Variants in RASAL2 observed in about 807,000 individuals in gnomAD.
The protein encoded by RASAL2 is ras GTPase-activating protein nGAP.
Under a neutral mutation model 128.9 loss-of-function variants are expected in RASAL2, and 58 were observed. The ratio of observed to expected loss-of-function variants is 0.45; its 90% CI spans 0.36 to 0.56. RASAL2 has a LOEUF of 0.56. Among genes scored for constraint, RASAL2 ranks in the 20% least tolerant of loss-of-function variants. The pLI is 0.00. For synonymous variants in RASAL2, 561 were observed against 580.8 expected, an observed-to-expected ratio of 0.97 and a Z score of 0.49; for missense variants, 1,360 against 1,601.6, an observed-to-expected ratio of 0.85 and a Z score of 2.57.
At chr1:178,174,581 A>G (rs187359609) in intron 1 of RASAL2, among the ~76,000 whole-genome samples, 4 of 152,280 alleles carry the variant, frequency 2.6e-5, no homozygotes, top group Admixed American at 2.0e-4. Context: ...AATGAGTTGC[A>G]TAGGTTAGAT....
intron 1 of RASAL2, among the ~76,000 whole-genome samples, chr1:178,217,392 C>T (rs1663456647): frequency 6.6e-6 from 1 of 152,204 alleles, no homozygotes; most frequent in Non-Finnish European, 1.5e-5. Context: ...GAACTTCTCA[C>T]ACCAGAGTGG....
chr1:178,405,715 C>T (rs1310388755), intron 4 of RASAL2, among the ~76,000 whole-genome samples: 5 of 152,134 alleles, frequency 3.3e-5, no homozygotes, highest in Non-Finnish European at 7.4e-5. Flanking sequence ...GACTTCTGAT[C>T]GATAGAACTG....
At chr1:178,335,976 C>G (rs1431444529) in intron 3 of RASAL2, among the ~76,000 whole-genome samples, 1 of 151,318 alleles carries the variant, frequency 6.6e-6, no homozygotes, top group Non-Finnish European at 1.5e-5. Context: ...GTTTAGTATA[C>G]CATAGTGGTT....
chr1:178,410,223 A>G (rs985803016), intron 4 of RASAL2, among the ~76,000 whole-genome samples: 8 of 152,086 alleles, frequency 5.3e-5, no homozygotes, highest in African/African-American at 1.9e-4. Context: ...TAGGGAGGAA[A>G]TCAGAGAAAA....
intron 3 of RASAL2, among the ~76,000 whole-genome samples, chr1:178,324,801 G>A (rs1356493300): frequency 1.3e-5 from 2 of 151,960 alleles, no homozygotes; most frequent in Non-Finnish European, 2.9e-5. Flanking sequence ...TACATTTCAA[G>A]CAGAAGGATT....
chr1:178,200,812 T>A (rs1662838131), intron 1 of RASAL2, among the ~76,000 whole-genome samples: 1 of 152,190 alleles, frequency 6.6e-6, no homozygotes, highest in Admixed American at 6.5e-5. Context: ...TGAACCCTTT[T>A]TACCAGAAGA....
At chr1:178,098,435 C>G (rs1008456317) in intron 1 of RASAL2, among the ~76,000 whole-genome samples, 12 of 152,246 alleles carry the variant, frequency 7.9e-5, no homozygotes, top group African/African-American at 2.6e-4. Context: ...AGCAGCATAG[C>G]GAAAGGAAAC....
intron 1 of RASAL2, among the ~76,000 whole-genome samples, chr1:178,188,884 A>G (rs1311459856): frequency 6.6e-6 from 1 of 152,154 alleles, no homozygotes; most frequent in Non-Finnish European, 1.5e-5. Context: ...TATACCCTCT[A>G]AAAAGCTATG....
At chr1:178,156,787 G>T (rs967489410) in intron 1 of RASAL2, among the ~76,000 whole-genome samples, 11 of 152,258 alleles carry the variant, frequency 7.2e-5, no homozygotes, top group Admixed American at 7.2e-4. Context: ...ATTAAGGTCA[G>T]TGTTAAAAGC....
chr1:178,286,760 C>T (rs561916814), intron 2 of RASAL2, among the ~76,000 whole-genome samples: 3 of 152,146 alleles, frequency 2.0e-5, no homozygotes, highest in Non-Finnish European at 4.4e-5. Flanking sequence ...ATTCTATCCC[C>T]TGGGCCATTA....
chr1:178,395,246 G>A (rs1328706443), intron 4 of RASAL2, among the ~76,000 whole-genome samples: 3 of 152,076 alleles, frequency 2.0e-5, no homozygotes, highest in African/African-American at 7.2e-5. Context: ...TTTTTTTAAA[G>A]GTCCCAGATG....
intron 4 of RASAL2, among the ~76,000 whole-genome samples, chr1:178,408,943 A>T (rs566227396): frequency 6.6e-6 from 1 of 152,106 alleles, no homozygotes; most frequent in Non-Finnish European, 1.5e-5. Flanking sequence ...TACTGTAAAG[A>T]ACTACCTGAG....
intron 1 of RASAL2, among the ~76,000 whole-genome samples, chr1:178,095,860 GTGATTCCTCATC>G (rs1658661605): frequency 6.6e-6 from 1 of 152,124 alleles, no homozygotes; most frequent in African/African-American, 2.4e-5. Flanking sequence ...TTTTTGGCTT[GTGATTCCTCATC>G]TGTAAAGTGA....
At chr1:178,407,533 A>G (rs1405450002) in intron 4 of RASAL2, among the ~76,000 whole-genome samples, 1 of 152,208 alleles carries the variant, frequency 6.6e-6, no homozygotes, top group African/African-American at 2.4e-5. Flanking sequence ...GCAAGAATGA[A>G]AACAATTCTC....
intron 3 of RASAL2, among the ~76,000 whole-genome samples, chr1:178,359,535 C>T (rs1670994490): frequency 6.6e-6 from 1 of 152,174 alleles, no homozygotes; most frequent in African/African-American, 2.4e-5. Flanking sequence ...TGCTTATCTA[C>T]TTTCATTTTA....
chr1:178,244,593 T>A (rs1435625000), intron 1 of RASAL2, among the ~76,000 whole-genome samples: 1 of 152,236 alleles, frequency 6.6e-6, no homozygotes, highest in Non-Finnish European at 1.5e-5. Context: ...AGTTCTGGGA[T>A]ATATGTGCTT....
chr1:178,315,238 C>T (rs972825377), intron 3 of RASAL2, among the ~76,000 whole-genome samples: 4 of 149,408 alleles, frequency 2.7e-5, no homozygotes, highest in Middle Eastern at 3.4e-3. Flanking sequence ...TGAATAATGC[C>T]GCAATAACCA....
At chr1:178,380,422 G>A (rs1252048683) in intron 3 of RASAL2, among the ~76,000 whole-genome samples, 1 of 152,104 alleles carries the variant, frequency 6.6e-6, no homozygotes, top group Non-Finnish European at 1.5e-5. Context: ...TTCCATGTGT[G>A]AGTTAGAGGT....
At chr1:178,427,719 A>T (rs1233672465) in intron 5 of RASAL2, among the ~76,000 whole-genome samples, 1 of 152,154 alleles carries the variant, frequency 6.6e-6, no homozygotes, top group Non-Finnish European at 1.5e-5. Context: ...GGTAATGGAC[A>T]TTGGTATAGT....
Sources: allele counts gnomAD v4.1 joint callset (sites outside exome capture counted in the v4.1 genomes callset), GRCh38; gene constraint gnomAD v4.1.1; transcripts MANE v1.5; gene names NCBI Gene and HGNC (gene_info 2026-07-23, HGNC 2026-07-21).